Variants in TLN2 observed in about 807,000 individuals in gnomAD.
The protein encoded by TLN2 is talin 2, also known as talin-2.
TLN2 carries 118 observed loss-of-function variants against 294.7 expected under a neutral mutation model. The ratio of observed to expected loss-of-function variants is 0.40; its 90% CI spans 0.34 to 0.47. TLN2 has a LOEUF of 0.47. Ranked by LOEUF, TLN2 falls within the 20% of genes least tolerant of loss-of-function variation. The pLI is 0.84. For missense variants in TLN2, 3,083 were observed against 3,282.2 expected, an observed-to-expected ratio of 0.94 and a Z score of 1.48; for synonymous variants, 1,431 against 1,304.5, an observed-to-expected ratio of 1.10 and a Z score of -2.09.
intron 7 of TLN2, among the ~76,000 whole-genome samples, chr15:62,653,763 A>G (rs1025681887): frequency 2.0e-5 from 3 of 149,506 alleles, no homozygotes; most frequent in South Asian, 4.3e-4. Flanking sequence ...AAAAAAAAGT[A>G]ATTGTAATAC....
At chr15:62,736,434 A>G (rs553207182) in intron 28 of TLN2, among the ~76,000 whole-genome samples, 2 of 152,294 alleles carry the variant, frequency 1.3e-5, no homozygotes, top group African/African-American at 2.4e-5. Flanking sequence ...GGCTGTATCC[A>G]TATGTACCAA....
intron 46 of TLN2, among the ~76,000 whole-genome samples, chr15:62,794,839 C>T (rs562028668): frequency 3.9e-5 from 6 of 152,292 alleles, no homozygotes; most frequent in East Asian, 1.9e-4. Flanking sequence ...CTTGCTGGCA[C>T]GGTAACACAG....
At chr15:62,810,251 AAGCCCAG>A (rs2066589157) in intron 52 of TLN2, among the ~76,000 whole-genome samples, 1 of 152,200 alleles carries the variant, frequency 6.6e-6, no homozygotes, top group Non-Finnish European at 1.5e-5. Flanking sequence ...GAATTCAGGA[AAGCCCAG>A]TTCTCTCATG....
intron 3 of TLN2, among the ~76,000 whole-genome samples, chr15:62,639,499 C>T (rs924828716): frequency 6.6e-6 from 1 of 152,310 alleles, no homozygotes; most frequent in Non-Finnish European, 1.5e-5. Context: ...AGTGTTCAAA[C>T]AGTAGTCCTG....
In TLN2 at chr15:62,673,310, C is replaced by CTTTTTTTTTTTTTTTTTT. The variant is rs56258541; in HGVS notation, c.789-516_789-499dup. On this transcript the variant is annotated intron_variant, in intron 9 of 58. Transcript: ENST00000636159. ...GTTTGCTTTAGATTTTTAGATGTTG[C>CTTTTTTTTTTTTTTTTTT]TTTTTTTTTTTTTTTTTTGCAATTT... Among the ~76,000 whole-genome samples, 63 of 42,898 alleles carry CTTTTTTTTTTTTTTTTTT rather than the reference C, an allele frequency of 1.5e-3. 9 individuals are homozygous for CTTTTTTTTTTTTTTTTTT. The highest frequency in any genetic ancestry group is 2.0e-3 in the Non-Finnish European group (47 of 23,328). The allele number at this position is 42,898 out of a possible 152,430, so 28.1% of individuals were successfully genotyped here. A position where few individuals can be genotyped will look rare whatever the true frequency, so the allele number is the denominator to read the frequency against.
chr15:62,739,324 G>T, intron 30 of TLN2, 24 bp from the exon 31 acceptor site: 1 of 1,604,688 alleles, frequency 6.2e-7, no homozygotes, highest in Non-Finnish European at 8.5e-7. Flanking sequence ...ATGTCTCATG[G>T]GGTGTGCCGT....
At chr15:62,446,948 A>G (rs2035850154) in intron 1 of TLN2, among the ~76,000 whole-genome samples, 1 of 151,744 alleles carries the variant, frequency 6.6e-6, no homozygotes, top group Non-Finnish European at 1.5e-5. Context: ...CCCAAACTCT[A>G]ACGTGGATCA....
chr15:62,775,365 C>T (rs2063641754), intron 42 of TLN2, among the ~76,000 whole-genome samples: 3 of 152,170 alleles, frequency 2.0e-5, no homozygotes, highest in African/African-American at 4.8e-5. Flanking sequence ...TTTCACACTT[C>T]TATCATCAAA....
intron 1 of TLN2, among the ~76,000 whole-genome samples, chr15:62,394,439 G>T (rs1005617333): frequency 6.6e-6 from 1 of 152,306 alleles, no homozygotes; most frequent in South Asian, 2.1e-4. Flanking sequence ...TAATAAGCAG[G>T]CCTGGAATTA....
Position 62,650,112 on chromosome 15 carries a change from T to C in TLN2, c.165T>C (p.Asp55=). 1 of 1,614,176 alleles carries C rather than the reference T, an allele frequency of 6.2e-7. No individual in the cohort carries two copies. The change falls in exon 5 of 59, where the codon GAT becomes GAC. Residue 55 remains aspartate, a synonymous_variant. Coordinates refer to ENST00000636159, the MANE Select transcript of TLN2 (RefSeq NM_015059.3). ...QASDYGLFLS[D]EDPRKGIWLE... The stretch of plus-strand genomic sequence containing the variant: ...CTGACTATGGACTCTTTCTTTCGGA[T>C]GAAGACCCGAGGAAAGGGATTTGGC...
intron 1 of TLN2, among the ~76,000 whole-genome samples, chr15:62,410,385 G>C (rs983752271): frequency 1.3e-5 from 2 of 152,020 alleles, no homozygotes; most frequent in Non-Finnish European, 2.9e-5. Flanking sequence ...ACAGGCATTT[G>C]TCAAAATTTA....
At chr15:62,791,723 C>G (rs1177849600) in intron 45 of TLN2, among the ~76,000 whole-genome samples, 1 of 152,204 alleles carries the variant, frequency 6.6e-6, no homozygotes, top group Non-Finnish European at 1.5e-5. Context: ...GAAAATAACA[C>G]TGACCCATGC....
intron 21 of TLN2, among the ~76,000 whole-genome samples, chr15:62,710,125 C>A (rs963435407): frequency 1.8e-4 from 28 of 152,278 alleles, no homozygotes; most frequent in African/African-American, 5.1e-4. Context: ...AACCAATAAT[C>A]TTTTAATGGA....
chr15:62,726,114 T>A (rs1028035450), intron 27 of TLN2, among the ~76,000 whole-genome samples: 42 of 33,136 alleles, frequency 1.3e-3, no homozygotes, highest in Non-Finnish European at 4.9e-3. Context: ...CAAAGTTCTA[T>A]ACCCCAGGGA....
intron 1 of TLN2, among the ~76,000 whole-genome samples, chr15:62,492,569 GA>G (rs1220866636): frequency 3.4e-5 from 5 of 145,760 alleles, no homozygotes; most frequent in South Asian, 2.2e-4. Flanking sequence ...AAGAAAAAAA[GA>G]AAAAAAACTA....
chr15:62,717,753 A>AAGTCCC, intron 24 of TLN2, 64 bp downstream of exon 24: 2 of 1,189,348 alleles, frequency 1.7e-6, no homozygotes, highest in Non-Finnish European at 2.3e-6. Context: ...TTAGAACACC[A>AAGTCCC]AGTCCCCTGG....
At chr15:62,790,038 T>C (rs2141110065) in intron 45 of TLN2, among the ~76,000 whole-genome samples, 3 of 152,330 alleles carry the variant, frequency 2.0e-5, no homozygotes, top group Admixed American at 2.0e-4. Context: ...CTGCTGCATC[T>C]GCCTTGTCCG....
rs554188986 is a variant in TLN2, at chr15:62,499,120, A to G, written c.-237-90567A>G. 3.3e-5 allele frequency among the ~76,000 whole-genome samples: 5 copies of G among 152,076 alleles called. No homozygotes were observed. In the South Asian group the frequency reaches 8.3e-4, roughly 25 times the overall value. On this transcript the variant is annotated intron_variant, in intron 1 of 58. Coordinates refer to ENST00000636159, the MANE Select transcript of TLN2 (RefSeq NM_015059.3). ...TTTCTAGGCCATGTTTATATTTTCA[A>G]TCTGTTCTTTCTGCTACCTGGGACA...
chr15:62,591,562 G>A (rs1000785902), intron 2 of TLN2, among the ~76,000 whole-genome samples: 1 of 152,166 alleles, frequency 6.6e-6, no homozygotes, highest in Non-Finnish European at 1.5e-5. Flanking sequence ...CATGGTCAAG[G>A]TAAAGACAAA....
Sources: allele counts gnomAD v4.1 joint callset (sites outside exome capture counted in the v4.1 genomes callset), GRCh38; gene constraint gnomAD v4.1.1; transcripts MANE v1.5; gene names NCBI Gene and HGNC (gene_info 2026-07-23, HGNC 2026-07-21).